Variants in ROBO2 observed in about 807,000 individuals in gnomAD.
ROBO2 encodes the protein roundabout guidance receptor 2, also known as roundabout homolog 2.
In ROBO2, 53 loss-of-function variants were observed where a neutral mutation model predicts 160.8. The ratio of observed to expected loss-of-function variants is 0.33; its 90% CI spans 0.26 to 0.41. ROBO2 has a LOEUF of 0.41. ROBO2 is among the 10% of genes least tolerant of loss of function. ROBO2 has a pLI of 1.00. For missense variants in ROBO2, 1,577 were observed against 1,722.4 expected (o/e 0.92, Z 1.49); for synonymous variants, 664 against 611.7 (o/e 1.09, Z -1.26).
chr3:76,443,412 C>T (rs895879672), intron 2 of ROBO2, among the ~76,000 whole-genome samples: 14 of 152,036 alleles, frequency 9.2e-5, no homozygotes, highest in South Asian at 2.1e-4. Context: ...GAGAGTCTTG[C>T]GATGTATCCC....
At chr3:77,591,093 A>T (rs1179672202) in intron 17 of ROBO2, among the ~76,000 whole-genome samples, 1 of 152,186 alleles carries the variant, frequency 6.6e-6, no homozygotes, top group African/African-American at 2.4e-5. Flanking sequence ...TGAGTGAGCA[A>T]ATTATGTGAA....
intron 2 of ROBO2, among the ~76,000 whole-genome samples, chr3:76,768,292 G>A (rs3884404): frequency 0.29 from 43,971 of 150,946 alleles, 7,721 homozygotes; most frequent in African/African-American, 0.49. Flanking sequence ...AGTTTTCTGC[G>A]GAAGACAGTT....
intron 2 of ROBO2, among the ~76,000 whole-genome samples, chr3:76,939,979 A>ATTTTTT (rs71104641): frequency 0.14 from 17,180 of 119,392 alleles, 1,721 homozygotes; most frequent in South Asian, 0.23. Flanking sequence ...AAGCAACAGG[A>ATTTTTT]TTTTTTTTTT....
At chr3:77,178,495 G>A (rs1247154408) in intron 2 of ROBO2, among the ~76,000 whole-genome samples, 4 of 151,886 alleles carry the variant, frequency 2.6e-5, no homozygotes, top group African/African-American at 9.7e-5. Flanking sequence ...ATATATGCTC[G>A]CGAATAGATT....
In ROBO2 at chr3:76,080,223, C is replaced by T. The variant is rs922351381; in HGVS notation, c.109+142621C>T. 1.6e-4 allele frequency among the ~76,000 whole-genome samples: 24 copies of T among 152,302 alleles called. No homozygotes were observed. The East Asian group carries it at 4.6e-3, about 29-fold the overall frequency. On this transcript the variant is annotated intron_variant, in intron 2 of 26. Coordinates refer to the ROBO2 transcript ENST00000487694. ...AACACCCCTGCCTGACTATCTGACCCAGGCTCAGTGCGTACTGACCACCAG... is the reference window on the plus strand; with the variant it reads ...AACACCCCTGCCTGACTATCTGACCTAGGCTCAGTGCGTACTGACCACCAG...
At chr3:76,229,807 G>A (rs1481066449) in intron 2 of ROBO2, among the ~76,000 whole-genome samples, 3 of 152,064 alleles carry the variant, frequency 2.0e-5, no homozygotes, top group East Asian at 1.9e-4. Flanking sequence ...TTACAGAGGG[G>A]TAACAACTAG....
At chr3:76,855,768 A>G (rs1305420553) in intron 2 of ROBO2, among the ~76,000 whole-genome samples, 1 of 152,196 alleles carries the variant, frequency 6.6e-6, no homozygotes, top group African/African-American at 2.4e-5. Flanking sequence ...TTAATTCATA[A>G]TGCATTCTAA....
Position 77,406,919 on chromosome 3 carries a change from C to A in ROBO2, c.389-70495C>A, listed in dbSNP as rs75392232. On this transcript the variant is annotated intron_variant, in intron 2 of 25. Transcript: ENST00000461745. ...ATTTAACACATTGGACCTTGCATTTCGAGTTCAGGTTGCACTAATGAGATT... is the reference window on the plus strand; with the variant it reads ...ATTTAACACATTGGACCTTGCATTTAGAGTTCAGGTTGCACTAATGAGATT... 9.8e-3 allele frequency among the ~76,000 whole-genome samples: 1,486 copies of A among 152,220 alleles called. 32 individuals carry two copies. Among genetic ancestry groups the A allele is most frequent in the African/African-American group, 0.034 (1,420 of 41,530 alleles).
At chr3:76,754,527 C>T (rs1404920951) in intron 2 of ROBO2, among the ~76,000 whole-genome samples, 4 of 151,836 alleles carry the variant, frequency 2.6e-5, no homozygotes, top group African/African-American at 9.7e-5. Context: ...TTGAATAAAT[C>T]ACATGCCTTA....
chr3:76,384,836 C>T lies in ROBO2; in HGVS notation c.109+447234C>T, dbSNP rs374521461. ...ATGACCTCCAACCTGATTCCTCCCA[C>T]GACACGTGAGGATTAGGGGAACTAC... On this transcript the variant is annotated intron_variant, in intron 2 of 26. Transcript: ENST00000487694. Among the ~76,000 whole-genome samples the T allele has an allele frequency of 3.3e-4, 50 of 152,292 alleles. 1 individual carries two copies. The South Asian group carries it at 7.5e-3, about 23-fold the overall frequency.
intron 1 of ROBO2, among the ~76,000 whole-genome samples, chr3:75,921,493 G>A (rs1316707421): frequency 6.6e-6 from 1 of 151,990 alleles, no homozygotes; most frequent in Admixed American, 6.6e-5. Context: ...TTCACACACA[G>A]TTTTCTATTT....
At chr3:76,274,185 C>A (rs989565024) in intron 2 of ROBO2, among the ~76,000 whole-genome samples, 72 of 152,186 alleles carry the variant, frequency 4.7e-4, no homozygotes, top group African/African-American at 1.7e-3. Flanking sequence ...CATAGATTAA[C>A]TATTAATTTT....
At chr3:77,130,184 G>A (rs374165226) in intron 2 of ROBO2, among the ~76,000 whole-genome samples, 1 of 152,058 alleles carries the variant, frequency 6.6e-6, no homozygotes, top group South Asian at 2.1e-4. Context: ...AATGGTCATT[G>A]TCAACTTCCG....
intron 2 of ROBO2, among the ~76,000 whole-genome samples, chr3:76,002,463 A>G (rs1375482716): frequency 1.3e-5 from 2 of 152,076 alleles, no homozygotes; most frequent in South Asian, 2.1e-4. Flanking sequence ...GTGAGAGACT[A>G]TTGAATCACG....
At chr3:75,979,891 AGTTT>A (rs2065230515) in intron 2 of ROBO2, among the ~76,000 whole-genome samples, 1 of 151,620 alleles carries the variant, frequency 6.6e-6, no homozygotes, top group Non-Finnish European at 1.5e-5. Context: ...TAAGTTGCTT[AGTTT>A]ATTTTCTCAC....
intron 2 of ROBO2, among the ~76,000 whole-genome samples, chr3:76,206,149 G>A (rs985574211): frequency 4.0e-5 from 3 of 75,600 alleles, no homozygotes; most frequent in African/African-American, 1.3e-4. Context: ...CCTGCAGCCC[G>A]CTAAAGCACA....
At chr3:77,476,438 C>A (rs996908538) in intron 2 of ROBO2, among the ~76,000 whole-genome samples, 1 of 151,088 alleles carries the variant, frequency 6.6e-6, no homozygotes, top group African/African-American at 2.4e-5. Context: ...TACTTTGGAA[C>A]CAAACATGTC....
At chr3:76,246,710 C>G (rs890054959) in intron 2 of ROBO2, among the ~76,000 whole-genome samples, 1 of 152,046 alleles carries the variant, frequency 6.6e-6, no homozygotes, top group African/African-American at 2.4e-5. Flanking sequence ...TTTAGGCATG[C>G]TGAATTCTAG....
intron 2 of ROBO2, among the ~76,000 whole-genome samples, chr3:75,991,840 A>C (rs1008256933): frequency 6.6e-5 from 10 of 152,134 alleles, no homozygotes; most frequent in African/African-American, 1.9e-4. Flanking sequence ...GGGAGATCTC[A>C]GATGGAGATG....
Sources: gnomAD v4.1 joint callset for allele counts (sites outside exome capture counted in the v4.1 genomes callset) on GRCh38, gnomAD v4.1.1 for gene constraint, MANE v1.5 for transcripts, NCBI Gene and HGNC (gene_info 2026-07-23, HGNC 2026-07-21) for gene names.